Variants in CDH20 observed in about 807,000 individuals in gnomAD.
The protein encoded by CDH20 is cadherin 20.
CDH20 carries 29 observed loss-of-function variants against 74.2 expected under a neutral mutation model. That is an observed-to-expected ratio of 0.39 (90% CI 0.29 to 0.53). CDH20 has a LOEUF of 0.53. CDH20 is among the 20% of genes least tolerant of loss of function. The pLI is 0.69. For missense variants in CDH20, 988 were observed against 1,048.3 expected (o/e 0.94, Z 0.79); for synonymous variants, 469 against 405.4 (o/e 1.16, Z -1.88).
At chr18:61,537,160 T>C (rs1372322417) in intron 8 of CDH20, among the ~76,000 whole-genome samples, 1 of 152,048 alleles carries the variant, frequency 6.6e-6, no homozygotes, top group Non-Finnish European at 1.5e-5. Flanking sequence ...TTAGATTATG[T>C]ACTACTACAT....
chr18:61,424,684 A>G (rs566286978), intron 1 of CDH20, among the ~76,000 whole-genome samples: 1 of 152,304 alleles, frequency 6.6e-6, no homozygotes, highest in East Asian at 1.9e-4. Context: ...ATTCTTTTTC[A>G]TATTTACTTT....
At chr18:61,416,260 C>A (rs1269508167) in intron 1 of CDH20, among the ~76,000 whole-genome samples, 1 of 152,130 alleles carries the variant, frequency 6.6e-6, no homozygotes, top group East Asian at 1.9e-4. Context: ...AAATGCAAAT[C>A]AGATCCAATG....
intron 1 of CDH20, among the ~76,000 whole-genome samples, chr18:61,369,245 T>C (rs2043323610): frequency 1.3e-5 from 2 of 152,130 alleles, no homozygotes; most frequent in African/African-American, 4.8e-5. Context: ...GGTCAAATAC[T>C]TGTAGGGGTG....
intron 1 of CDH20, among the ~76,000 whole-genome samples, chr18:61,470,428 A>G (rs983249847): frequency 6.6e-6 from 1 of 152,260 alleles, no homozygotes; most frequent in Admixed American, 6.5e-5. Context: ...CAATTATTGC[A>G]AAGTTCCTAC....
intron 2 of CDH20, among the ~76,000 whole-genome samples, chr18:61,498,365 A>G (rs1439556711): frequency 2.6e-5 from 4 of 150,992 alleles, no homozygotes; most frequent in African/African-American, 9.7e-5. Flanking sequence ...ATGCCACTGC[A>G]CTCCAGCCTG....
At chr18:61,397,121 GAT>G (rs1395920280) in intron 1 of CDH20, among the ~76,000 whole-genome samples, 2 of 152,024 alleles carry the variant, frequency 1.3e-5, no homozygotes, top group East Asian at 3.9e-4. Context: ...TCTAACCTAG[GAT>G]ATAAGAAACA....
rs569821374 is a variant in CDH20, at chr18:61,481,420, C to G, written c.-152-8982C>G. Among the ~76,000 whole-genome samples the G allele has an allele frequency of 2.0e-5, 3 of 152,220 alleles. No individual in the cohort carries two copies. The East Asian group carries it at 5.8e-4, about 29-fold the overall frequency. On this transcript the variant is annotated intron_variant, in intron 1 of 11. Coordinates refer to ENST00000262717, the MANE Select transcript of CDH20 (RefSeq NM_031891.4). ...AAGCAATATATTGGATGTCACACAT[C>G]GAGTGGCAGAGCTGGAATTGGTCTT...
At chr18:61,403,272 T>C (rs2144230208) in intron 1 of CDH20, among the ~76,000 whole-genome samples, 1 of 152,340 alleles carries the variant, frequency 6.6e-6, no homozygotes, top group Admixed American at 6.5e-5. Context: ...TGGTCTTAAC[T>C]GTCTCTCGAT....
At chr18:61,345,408 G>C (rs928362958) in intron 1 of CDH20, among the ~76,000 whole-genome samples, 2 of 152,118 alleles carry the variant, frequency 1.3e-5, no homozygotes, top group African/African-American at 4.8e-5. Flanking sequence ...TTGAGGAAAG[G>C]CCTGTTTCTT....
chr18:61,549,800 AG>A, intron 10 of CDH20, 177 bp from the exon 11 acceptor site: 1 of 637,900 alleles, frequency 1.6e-6, no homozygotes, highest in South Asian at 2.2e-5. Flanking sequence ...GCAAGCAAAA[AG>A]CATGGTTTCT....
chr18:61,488,247 T>A (rs1270686168), intron 1 of CDH20, among the ~76,000 whole-genome samples: 5 of 152,194 alleles, frequency 3.3e-5, no homozygotes, highest in Non-Finnish European at 7.3e-5. Context: ...AGAATTAGAC[T>A]GAGCCAGAAT....
chr18:61,496,253 T>C (rs1219655879), intron 2 of CDH20, among the ~76,000 whole-genome samples: 3 of 81,158 alleles, frequency 3.7e-5, no homozygotes, highest in African/African-American at 5.1e-5. Context: ...CTCCCCGCCT[T>C]CTCCCTTCCT....
At chr18:61,493,356 T>G (rs2144302657) in intron 2 of CDH20, among the ~76,000 whole-genome samples, 1 of 152,138 alleles carries the variant, frequency 6.6e-6, no homozygotes, top group East Asian at 1.9e-4. Flanking sequence ...CCATCCCTCC[T>G]CCAGGATGCT....
At chr18:61,453,105 T>C (rs1242012932) in intron 1 of CDH20, among the ~76,000 whole-genome samples, 1 of 152,032 alleles carries the variant, frequency 6.6e-6, no homozygotes, top group African/African-American at 2.4e-5. Context: ...ATACAAAACA[T>C]TTCCATCACC....
intron 1 of CDH20, among the ~76,000 whole-genome samples, chr18:61,355,358 A>G (rs919658276): frequency 6.6e-6 from 1 of 152,232 alleles, no homozygotes; most frequent in East Asian, 1.9e-4. Context: ...AAAGTTTGAT[A>G]TAGTATCATT....
intron 2 of CDH20, among the ~76,000 whole-genome samples, chr18:61,497,090 T>TA (rs758611157): frequency 1.5e-4 from 20 of 129,466 alleles, no homozygotes; most frequent in African/African-American, 6.0e-4. Context: ...ATTTGGATTG[T>TA]AAAAAAAAAA....
At chr18:61,517,466 A>T (rs1912038534) in intron 6 of CDH20, among the ~76,000 whole-genome samples, 1 of 152,266 alleles carries the variant, frequency 6.6e-6, no homozygotes, top group Non-Finnish European at 1.5e-5. Flanking sequence ...GCGTTACCTC[A>T]CCTGGGAAGT....
chr18:61,450,569 CTTTT>C (rs1186125810), intron 1 of CDH20, among the ~76,000 whole-genome samples: 1 of 151,842 alleles, frequency 6.6e-6, no homozygotes, highest in Non-Finnish European at 1.5e-5. Flanking sequence ...CTAAAAAGAA[CTTTT>C]TTTATTATAG....
At chr18:61,474,420 C>T (rs1910295442) in intron 1 of CDH20, among the ~76,000 whole-genome samples, 1 of 152,134 alleles carries the variant, frequency 6.6e-6, no homozygotes. Flanking sequence ...ATCTTTAGGG[C>T]TCCATGGATT....
Sources: allele counts gnomAD v4.1 joint callset (sites outside exome capture counted in the v4.1 genomes callset), GRCh38; gene constraint gnomAD v4.1.1; transcripts MANE v1.5; gene names NCBI Gene and HGNC (gene_info 2026-07-23, HGNC 2026-07-21).